TRIM74: variants seen among roughly 807,000 people sequenced by gnomAD.
The protein encoded by TRIM74 is tripartite motif containing 74.
In TRIM74, 3 loss-of-function variants were observed where a neutral mutation model predicts 14.5. The observed-to-expected ratio is 0.21, with a 90% CI of 0.09 to 0.53. TRIM74 has a LOEUF of 0.53. Among genes scored for constraint, TRIM74 ranks in the 20% least tolerant of loss-of-function variants. The pLI is 0.95. For missense variants in TRIM74, 26 were observed against 174.0 expected, an observed-to-expected ratio of 0.15 and a Z score of 4.79; for synonymous variants, 10 against 71.3, an observed-to-expected ratio of 0.14 and a Z score of 4.33.
chr7:72,963,952 T>C (rs1298650814), intron 2 of TRIM74, among the ~76,000 whole-genome samples: 6 of 44,844 alleles, frequency 1.3e-4, no homozygotes, highest in Non-Finnish European at 2.4e-4. Context: ...CAGAGACATT[T>C]CACACACGTG....
In TRIM74 at chr7:72,960,014, C is replaced by T. The variant is rs782557879; in HGVS notation, c.726+7G>A. 3 of 1,610,570 alleles carry T rather than the reference C, an allele frequency of 1.9e-6. No individual in the cohort carries two copies. The highest frequency in any genetic ancestry group is 1.1e-5 in the South Asian group (1 of 90,924). On this transcript the variant is annotated splice_region_variant and intron_variant, in intron 4 of 4. Transcript: ENST00000285805. Reference sequence around the variant, plus strand: ...TATGGGGATGGGACGCCTCCCTGTCCACTCACCCAGATGAACTCATGGTGG... The same window carrying T: ...TATGGGGATGGGACGCCTCCCTGTCTACTCACCCAGATGAACTCATGGTGG...
intron 2 of TRIM74, among the ~76,000 whole-genome samples, chr7:72,962,613 C>T (rs1389502606): frequency 1.0e-4 from 5 of 50,114 alleles, no homozygotes; most frequent in Admixed American, 2.5e-4. Context: ...ACCTGGGAGG[C>T]GGAGCTTGCA....
intron 2 of TRIM74, among the ~76,000 whole-genome samples, chr7:72,962,698 A>G (rs1471694617): frequency 8.6e-5 from 12 of 140,184 alleles, no homozygotes; most frequent in African/African-American, 1.3e-4. Flanking sequence ...AAAAAAAAAA[A>G]AGAGAATATT....
intron 1 of TRIM74, among the ~76,000 whole-genome samples, chr7:72,966,490 T>C (rs1183409759): frequency 8.7e-6 from 1 of 115,422 alleles, no homozygotes. Context: ...GCAGTGACAC[T>C]AATAATGCAA....
chr7:72,955,112 T>TG (rs1491401490), downstream of TRIM74: 1 of 123,950 alleles, frequency 8.1e-6, no homozygotes, highest in African/African-American at 4.2e-5. Context: ...TATATATATA[T>TG]TTTTTTTTTT....
At chr7:72,955,111 A>ATATATATATATTTTTT (rs1346659193), downstream of TRIM74, 2 of 112,068 alleles carry the variant, frequency 1.8e-5, no homozygotes, top group African/African-American at 8.3e-5. Context: ...ATATATATAT[A>ATATATATATATTTTTT]TTTTTTTTTT....
intron 1 of TRIM74, among the ~76,000 whole-genome samples, chr7:72,967,478 C>G (rs1798315627): frequency 6.6e-6 from 1 of 150,904 alleles, no homozygotes; most frequent in Admixed American, 6.6e-5. Context: ...CCAGGCTGGT[C>G]TTCAACTTCT....
intron 1 of TRIM74, among the ~76,000 whole-genome samples, chr7:72,966,460 GGCCA>G (rs1798277731): frequency 7.5e-6 from 1 of 133,400 alleles, no homozygotes; most frequent in African/African-American, 3.6e-5. Flanking sequence ...GCATGAAAGG[GGCCA>G]TCTGCAGGGT....
intron 1 of TRIM74, among the ~76,000 whole-genome samples, chr7:72,967,144 G>A (rs1174423733): frequency 6.6e-6 from 1 of 152,308 alleles, no homozygotes; most frequent in African/African-American, 2.4e-5. Context: ...AGAAACAGAG[G>A]GACTAGGCAC....
chr7:72,956,347 AAAAT>A (rs1201924734), downstream of TRIM74, among the ~76,000 whole-genome samples: 1 of 100,148 alleles, frequency 1.0e-5, no homozygotes, highest in Non-Finnish European at 2.0e-5. Flanking sequence ...CTTTCCCCAA[AAAAT>A]AAATAAATAA....
downstream of TRIM74, chr7:72,955,087 GTATA>G (rs56757405): frequency 6.8e-3 from 2,053 of 301,624 alleles, 51 homozygotes; most frequent in Admixed American, 0.027. Flanking sequence ...GTGTATGTGT[GTATA>G]TATATATATA....
rs1217907295 is a variant in TRIM74, at chr7:72,967,240, C to T, written c.-18-1065G>A. Reference sequence around the variant, plus strand: ...AATCTCAATCTCTTGCTCTTATATCCTTTTTTGGGGGGGGTGGGGGGCTGG... The same window carrying T: ...AATCTCAATCTCTTGCTCTTATATCTTTTTTTGGGGGGGGTGGGGGGCTGG... On this transcript the variant is annotated intron_variant, in intron 1 of 4. Transcript: ENST00000285805. Among the ~76,000 whole-genome samples the T allele has an allele frequency of 2.1e-5, 3 of 141,228 alleles. No individual in the cohort carries two copies. In the East Asian group the frequency reaches 6.1e-4, roughly 29 times the overall value. 92.7% of individuals were successfully genotyped at this position (141,228 alleles called of 152,430 possible).
intron 1 of TRIM74, among the ~76,000 whole-genome samples, chr7:72,966,387 G>A (rs1554507259): frequency 7.3e-6 from 1 of 136,748 alleles, no homozygotes; most frequent in Non-Finnish European, 1.5e-5. Context: ...GAAGATACGT[G>A]TGTGTGTGTG....
chr7:72,962,373 GT>G (rs572104472), intron 2 of TRIM74, among the ~76,000 whole-genome samples: 1 of 3,008 alleles, frequency 3.3e-4, no homozygotes, highest in South Asian at 3.4e-3. Flanking sequence ...CATCTCTAAT[GT>G]TTTTTTTTTC....
At chr7:72,956,975 A>T (rs1798105390), downstream of TRIM74, among the ~76,000 whole-genome samples, 1 of 152,302 alleles carries the variant, frequency 6.6e-6, no homozygotes, top group African/African-American at 2.4e-5. Context: ...TAAAAATACA[A>T]AAATTTGCTG....
At position 72,959,523 on chromosome 7, in the gene TRIM74, C is replaced by CG. The variant is rs1391130238; in HGVS notation, c.*358dup. ...TTTATTTTTGTATTTTTTGTAGAGACGGGGGTGTTACTACATTGGCCAGGC... is the reference window on the plus strand; with the variant it reads ...TTTATTTTTGTATTTTTTGTAGAGACGGGGGGTGTTACTACATTGGCCAGGC... On this transcript the variant is annotated 3_prime_UTR_variant, in exon 5 of 5. Transcript: ENST00000285805. 4 of 315,170 alleles carry CG rather than the reference C, an allele frequency of 1.3e-5. No individual in the cohort carries two copies. In the Admixed American group the frequency reaches 1.4e-4, roughly 11 times the overall value. 19.5% of individuals were successfully genotyped at this position (315,170 alleles called of 1,614,324 possible).
At chr7:72,962,599 G>A (rs1365856304) in intron 2 of TRIM74, among the ~76,000 whole-genome samples, 1 of 48,186 alleles carries the variant, frequency 2.1e-5, no homozygotes, top group Non-Finnish European at 4.1e-5. Flanking sequence ...GGAGAATGGC[G>A]TGAACCTGGG....
downstream of TRIM74, chr7:72,954,975 A>T (rs1430910035): frequency 5.1e-6 from 3 of 585,494 alleles, no homozygotes; most frequent in Non-Finnish European, 9.0e-6. Flanking sequence ...AATCTGATGG[A>T]TAAATAATGG....
downstream of TRIM74, among the ~76,000 whole-genome samples, chr7:72,955,125 C>A (rs1293766298): frequency 7.9e-4 from 42 of 53,442 alleles, no homozygotes; most frequent in Non-Finnish European, 1.3e-3. Flanking sequence ...TTTTTTTTTT[C>A]AGACAAAAAG....
Sources: gnomAD v4.1 joint callset for allele counts (sites outside exome capture counted in the v4.1 genomes callset) on GRCh38, gnomAD v4.1.1 for gene constraint, MANE v1.5 for transcripts, NCBI Gene and HGNC (gene_info 2026-07-23, HGNC 2026-07-21) for gene names.